FNDC3A: variants seen among roughly 807,000 people sequenced by gnomAD.
FNDC3A encodes fibronectin type-III domain-containing protein 3A.
A neutral mutation model predicts 148.9 loss-of-function variants in FNDC3A; 32 were observed. That is an observed-to-expected ratio of 0.21 (90% CI 0.16 to 0.29). The LOEUF is 0.29. Among genes scored for constraint, FNDC3A ranks in the 10% least tolerant of loss-of-function variants. The probability of loss-of-function intolerance (pLI) is 1.00; values close to 1 mark genes in which losing one functional copy is unlikely to be tolerated. For missense variants in FNDC3A, 1,191 were observed against 1,452.8 expected, an observed-to-expected ratio of 0.82 and a Z score of 2.93; for synonymous variants, 472 against 473.6, an observed-to-expected ratio of 1.00 and a Z score of 0.04.
intron 1 of FNDC3A, among the ~76,000 whole-genome samples, chr13:48,999,398 T>A (rs1408621328): frequency 6.6e-6 from 1 of 152,242 alleles, no homozygotes. Context: ...CCCACGATTG[T>A]CTTTTGCAAA....
chr13:49,173,495 A>G (rs1884869889), intron 11 of FNDC3A, among the ~76,000 whole-genome samples: 1 of 152,224 alleles, frequency 6.6e-6, no homozygotes, highest in South Asian at 2.1e-4. Context: ...TCACTAAACA[A>G]AGGCATTTTT....
At chr13:49,142,570 A>G (rs879803374) in intron 7 of FNDC3A, among the ~76,000 whole-genome samples, 2 of 152,188 alleles carry the variant, frequency 1.3e-5, no homozygotes, top group African/African-American at 4.8e-5. Flanking sequence ...GTGGGAGTCC[A>G]TCTCTTTTTC....
At chr13:49,026,357 C>T (rs1388398156) in intron 2 of FNDC3A, among the ~76,000 whole-genome samples, 1 of 152,168 alleles carries the variant, frequency 6.6e-6, no homozygotes, top group Non-Finnish European at 1.5e-5. Context: ...GAGGAAAATT[C>T]ATCAACAAAT....
intron 8 of FNDC3A, among the ~76,000 whole-genome samples, chr13:49,160,727 G>C (rs1421068073): frequency 6.6e-6 from 1 of 151,702 alleles, no homozygotes; most frequent in Non-Finnish European, 1.5e-5. Flanking sequence ...GTCGATTTTA[G>C]ATCTTTCCTG....
chr13:49,009,068 A>G lies in FNDC3A; in HGVS notation c.99+2779A>G, dbSNP rs756283236. On this transcript the variant is annotated intron_variant, in intron 2 of 25. Transcript: ENST00000492622. Reference sequence around the variant, plus strand: ...TCTTAACAGATGGGTAATGTCATATATCATTACAGTATCATACAGAATAAT... The same window carrying G: ...TCTTAACAGATGGGTAATGTCATATGTCATTACAGTATCATACAGAATAAT... Among the ~76,000 whole-genome samples the G allele has an allele frequency of 7.2e-5, 11 of 152,336 alleles. No homozygotes were observed. In the South Asian group the frequency reaches 8.3e-4, roughly 11 times the overall value.
chr13:49,200,626 T>A (rs1886377647), intron 23 of FNDC3A, among the ~76,000 whole-genome samples: 1 of 152,066 alleles, frequency 6.6e-6, no homozygotes, highest in Non-Finnish European at 1.5e-5. Context: ...GAATAAAGAT[T>A]CTATTAGATA....
rs184898459 is a variant in FNDC3A, at chr13:49,190,952, A to G, written c.1945-63A>G. ...TGTGTTTATATTATTTTTCCTTACC[A>G]AAAGCAATCTGATTATTTGGTTTTG... On this transcript the variant is annotated intron_variant, in intron 17 of 25. Transcript: ENST00000492622. The G allele has an allele frequency of 1.5e-4, 164 of 1,110,440 alleles. No individual in the cohort carries two copies. In the Admixed American group the frequency reaches 3.6e-3, roughly 24 times the overall value. 68.8% of individuals were successfully genotyped at this position (1,110,440 alleles called of 1,614,324 possible).
At chr13:49,119,546 T>G (rs1881195775) in intron 4 of FNDC3A, among the ~76,000 whole-genome samples, 1 of 152,026 alleles carries the variant, frequency 6.6e-6, no homozygotes, top group Admixed American at 6.5e-5. Context: ...TCCTCTGAGC[T>G]AAAGGAGCAT....
chr13:48,993,999 T>A (rs1951972796), intron 1 of FNDC3A, among the ~76,000 whole-genome samples: 1 of 152,210 alleles, frequency 6.6e-6, no homozygotes, highest in African/African-American at 2.4e-5. Context: ...ATCTTAGAAA[T>A]TGACTATTTG....
intron 2 of FNDC3A, chr13:49,044,824 G>T: frequency 5.1e-6 from 2 of 394,632 alleles, no homozygotes; most frequent in East Asian, 7.2e-5. Flanking sequence ...AATACTTTTT[G>T]TGTGTTAGAA....
intron 14 of FNDC3A, among the ~76,000 whole-genome samples, chr13:49,183,682 G>A (rs921526854): frequency 9.9e-5 from 15 of 152,166 alleles, no homozygotes; most frequent in African/African-American, 3.6e-4. Context: ...CCCATTTGTA[G>A]TCTCATTTAT....
At chr13:48,979,209 A>C (rs1416301335) in intron 1 of FNDC3A, among the ~76,000 whole-genome samples, 1 of 152,172 alleles carries the variant, frequency 6.6e-6, no homozygotes, top group Admixed American at 6.5e-5. Flanking sequence ...AATGTTATTA[A>C]AGTGGGGATA....
chr13:49,193,277 T>G (rs982831666), intron 19 of FNDC3A, among the ~76,000 whole-genome samples: 1 of 152,186 alleles, frequency 6.6e-6, no homozygotes, highest in Non-Finnish European at 1.5e-5. Flanking sequence ...GACAGACTTT[T>G]TTTTTGAGAC....
At chr13:49,037,731 G>T (rs1874603359) in intron 2 of FNDC3A, among the ~76,000 whole-genome samples, 1 of 152,202 alleles carries the variant, frequency 6.6e-6, no homozygotes, top group Non-Finnish European at 1.5e-5. Flanking sequence ...TCTCTGTTCA[G>T]CCACTGAGAG....
intron 8 of FNDC3A, among the ~76,000 whole-genome samples, chr13:49,150,569 A>G (rs1326550229): frequency 1.3e-5 from 2 of 152,002 alleles, no homozygotes; most frequent in African/African-American, 2.4e-5. Flanking sequence ...GTAGTTGCAC[A>G]GTTTCCAGAG....
At chr13:49,040,924 T>C (rs926558203) in intron 2 of FNDC3A, among the ~76,000 whole-genome samples, 4 of 152,234 alleles carry the variant, frequency 2.6e-5, no homozygotes, top group African/African-American at 9.6e-5. Context: ...TCTCAGGTAA[T>C]ATAACTAGTT....
At chr13:49,186,906 A>G (rs1274494534) in intron 15 of FNDC3A, among the ~76,000 whole-genome samples, 1 of 152,172 alleles carries the variant, frequency 6.6e-6, no homozygotes, top group African/African-American at 2.4e-5. Context: ...AATATCATGC[A>G]GCCATTAAAA....
intron 2 of FNDC3A, among the ~76,000 whole-genome samples, chr13:49,029,668 T>TTGCA (rs1242408490): frequency 1.3e-5 from 2 of 152,182 alleles, no homozygotes; most frequent in Non-Finnish European, 2.9e-5. Flanking sequence ...CCCTTTTAAG[T>TTGCA]AGACAAGAAA....
chr13:49,181,634 C>T (rs933356209), intron 14 of FNDC3A, among the ~76,000 whole-genome samples: 12 of 152,138 alleles, frequency 7.9e-5, no homozygotes, highest in Admixed American at 7.9e-4. Context: ...ATCATTAAAT[C>T]CTATTGTTGT....
Sources: gnomAD v4.1 joint callset for allele counts (sites outside exome capture counted in the v4.1 genomes callset) on GRCh38, gnomAD v4.1.1 for gene constraint, MANE v1.5 for transcripts, NCBI Gene and HGNC (gene_info 2026-07-23, HGNC 2026-07-21) for gene names.